DLGAP2: variants seen among roughly 807,000 people sequenced by gnomAD.
DLGAP2 encodes the protein disks large-associated protein 2.
In DLGAP2, 26 loss-of-function variants were observed where a neutral mutation model predicts 100.3. That is an observed-to-expected ratio of 0.26 (90% CI 0.19 to 0.36). The LOEUF is 0.36. Among genes scored for constraint, DLGAP2 ranks in the 10% least tolerant of loss-of-function variants. DLGAP2 has a pLI of 1.00. For synonymous variants in DLGAP2, 886 were observed against 630.1 expected (o/e 1.41, Z -6.08); for missense variants, 1,858 against 1,453.2 (o/e 1.28, Z -4.53).
At chr8:1,417,636 G>C (rs1293908973) in intron 3 of DLGAP2, among the ~76,000 whole-genome samples, 1 of 148,246 alleles carries the variant, frequency 6.7e-6, no homozygotes, top group Non-Finnish European at 1.5e-5. Context: ...CGCCTCCAGG[G>C]GGGCACGGGG....
chr8:861,756 C>T (rs774456499), intron 1 of DLGAP2, among the ~76,000 whole-genome samples: 11 of 152,210 alleles, frequency 7.2e-5, no homozygotes, highest in Non-Finnish European at 1.3e-4. Flanking sequence ...GCAGCGTTGA[C>T]GCGCAGCTTG....
intron 1 of DLGAP2, among the ~76,000 whole-genome samples, chr8:828,383 C>G (rs114083356): frequency 6.6e-6 from 1 of 152,190 alleles, no homozygotes; most frequent in Admixed American, 6.5e-5. Flanking sequence ...AGGGACCTTC[C>G]ATGCTGAGAA....
chr8:1,173,263 C>T (rs540845595), intron 2 of DLGAP2, among the ~76,000 whole-genome samples: 37 of 152,230 alleles, frequency 2.4e-4, no homozygotes, highest in African/African-American at 7.9e-4. Flanking sequence ...GAGGAGTACC[C>T]GGCCACGTGA....
chr8:1,674,261 T>G (rs911347034), intron 10 of DLGAP2, among the ~76,000 whole-genome samples: 21 of 152,136 alleles, frequency 1.4e-4, no homozygotes, highest in African/African-American at 5.1e-4. Context: ...CCTAGGCTGG[T>G]CTCTAACGCC....
At chr8:1,076,768 T>A (rs930280440) in intron 2 of DLGAP2, among the ~76,000 whole-genome samples, 5 of 152,034 alleles carry the variant, frequency 3.3e-5, no homozygotes, top group African/African-American at 1.2e-4. Context: ...TCTTCATGGA[T>A]CTGGAGGCTC....
At chr8:1,575,076 CTA>C (rs1371758597) in intron 6 of DLGAP2, among the ~76,000 whole-genome samples, 1 of 152,158 alleles carries the variant, frequency 6.6e-6, no homozygotes, top group African/African-American at 2.4e-5. Context: ...CAACAAGAGA[CTA>C]TGAACAATAC....
intron 3 of DLGAP2, among the ~76,000 whole-genome samples, chr8:1,327,564 G>T (rs1234612757): frequency 6.6e-6 from 1 of 152,204 alleles, no homozygotes; most frequent in Non-Finnish European, 1.5e-5. Context: ...AACATGGTGA[G>T]CCAGGCATGG....
At chr8:1,222,014 T>G (rs1209321164) in intron 2 of DLGAP2, among the ~76,000 whole-genome samples, 1 of 152,234 alleles carries the variant, frequency 6.6e-6, no homozygotes, top group East Asian at 1.9e-4. Flanking sequence ...TTCCTTGGAT[T>G]AGGTTTCAAC....
chr8:1,278,614 C>T (rs1436425472), intron 3 of DLGAP2, among the ~76,000 whole-genome samples: 1 of 152,154 alleles, frequency 6.6e-6, no homozygotes, highest in East Asian at 1.9e-4. Context: ...AAGCCAAGGA[C>T]ATATTGCAGA....
chr8:1,255,117 G>T (rs1274682641), intron 2 of DLGAP2, among the ~76,000 whole-genome samples: 1 of 141,588 alleles, frequency 7.1e-6, no homozygotes, highest in Non-Finnish European at 1.5e-5. Context: ...CTGTGTGTGT[G>T]TCCTCTCCTG....
chr8:1,131,737 T>C (rs747642719), intron 2 of DLGAP2, among the ~76,000 whole-genome samples: 1 of 152,076 alleles, frequency 6.6e-6, no homozygotes, highest in Admixed American at 6.5e-5. Flanking sequence ...TGGTAAGATA[T>C]GCTGTGTTAC....
chr8:1,185,714 C>G (rs1025993790), intron 2 of DLGAP2, among the ~76,000 whole-genome samples: 7 of 87,172 alleles, frequency 8.0e-5, no homozygotes, highest in Admixed American at 4.9e-4. Flanking sequence ...CACACTCACA[C>G]ACACACACAC....
chr8:1,371,593 G>C (rs1031164271), intron 3 of DLGAP2, among the ~76,000 whole-genome samples: 5 of 152,240 alleles, frequency 3.3e-5, no homozygotes, highest in African/African-American at 9.6e-5. Context: ...GATTGGAAAA[G>C]AAGGAATTTG....
At chr8:1,143,353 C>T (rs933321696) in intron 2 of DLGAP2, among the ~76,000 whole-genome samples, 1 of 152,178 alleles carries the variant, frequency 6.6e-6, no homozygotes, top group Non-Finnish European at 1.5e-5. Context: ...TCTCTGCATT[C>T]AAATTTTTAG....
intron 2 of DLGAP2, among the ~76,000 whole-genome samples, chr8:1,131,737 T>G (rs747642719): frequency 6.6e-6 from 1 of 152,076 alleles, no homozygotes; most frequent in Non-Finnish European, 1.5e-5. Flanking sequence ...TGGTAAGATA[T>G]GCTGTGTTAC....
At chr8:1,292,476 G>A (rs530863093) in intron 3 of DLGAP2, among the ~76,000 whole-genome samples, 1 of 152,258 alleles carries the variant, frequency 6.6e-6, no homozygotes, top group African/African-American at 2.4e-5. Flanking sequence ...TGACTTCTCA[G>A]GTGAAGAAAC....
At chr8:1,583,511 C>T (rs1358759801) in intron 6 of DLGAP2, among the ~76,000 whole-genome samples, 1 of 152,190 alleles carries the variant, frequency 6.6e-6, no homozygotes, top group African/African-American at 2.4e-5. Context: ...GCTTTTGAGA[C>T]CTTGCAGAGT....
intron 3 of DLGAP2, among the ~76,000 whole-genome samples, chr8:1,462,589 G>A (rs1798491213): frequency 6.6e-6 from 1 of 152,158 alleles, no homozygotes. Context: ...TGCTGTCACG[G>A]GACTGTGGCT....
intron 1 of DLGAP2, among the ~76,000 whole-genome samples, chr8:809,356 C>A (rs1267118391): frequency 6.6e-6 from 1 of 151,966 alleles, no homozygotes; most frequent in Non-Finnish European, 1.5e-5. Context: ...GCCCAGTAAT[C>A]TTTTGACTTT....
Sources: gnomAD v4.1 joint callset for allele counts (sites outside exome capture counted in the v4.1 genomes callset) on GRCh38, gnomAD v4.1.1 for gene constraint, MANE v1.5 for transcripts, NCBI Gene and HGNC (gene_info 2026-07-23, HGNC 2026-07-21) for gene names.